ABCC12: variants seen among roughly 807,000 people sequenced by gnomAD.
ABCC12 encodes ATP-binding cassette sub-family C member 12.
A neutral mutation model predicts 151.1 loss-of-function variants in ABCC12; 142 were observed. The ratio of observed to expected loss-of-function variants is 0.94; its 90% CI spans 0.82 to 1.08. The LOEUF (loss-of-function observed/expected upper bound fraction) is 1.08, where lower values mean the gene tolerates loss of function less well. ABCC12 is among the 50% of genes least tolerant of loss of function. The pLI, the probability that ABCC12 is intolerant of heterozygous loss-of-function variation, is 0.00. For missense variants in ABCC12, 1,638 were observed against 1,691.1 expected, an observed-to-expected ratio of 0.97 and a Z score of 0.55; for synonymous variants, 645 against 646.4, an observed-to-expected ratio of 1.00 and a Z score of 0.03.
At chr16:48,126,189 G>A (rs1964231992) in intron 11 of ABCC12, among the ~76,000 whole-genome samples, 1 of 152,200 alleles carries the variant, frequency 6.6e-6, no homozygotes, top group Admixed American at 6.5e-5. Flanking sequence ...GGACTTCAAT[G>A]AACCGGGGCA....
intron 2 of ABCC12, among the ~76,000 whole-genome samples, chr16:48,147,971 G>A (rs372179069): frequency 5.9e-5 from 9 of 152,100 alleles, no homozygotes; most frequent in African/African-American, 1.7e-4. Flanking sequence ...TTGTGGAGAC[G>A]GAGTCTCACT....
intron 23 of ABCC12, among the ~76,000 whole-genome samples, chr16:48,099,891 T>A (rs546188738): frequency 6.6e-6 from 1 of 152,112 alleles, no homozygotes; most frequent in Admixed American, 6.6e-5. Context: ...AAAATAAAAA[T>A]TTATTGCATG....
rs1399547633 is a variant in ABCC12 at position 48,139,199 on chromosome 16, G to T, written c.795C>A (p.Ile265=). The part of the protein sequence containing the change: ...AFFILGPTAL[I]GISVYVIFIP... ...TGAATATGACATACACTGATATCCC[G>T]ATGAGAGCTGTGGGCCCCAGAATGA... The change falls in exon 7 of 31, where the codon ATC becomes ATA. Residue 265 remains isoleucine (I), a synonymous_variant. Coordinates refer to ENST00000311303, the MANE Select transcript of ABCC12 (RefSeq NM_001393797.1). The T allele has an allele frequency of 2.5e-6, 4 of 1,613,412 alleles. No homozygotes were observed. Among genetic ancestry groups the T allele is most frequent in the East Asian group, 2.2e-5 (1 of 44,870 alleles).
intron 18 of ABCC12, among the ~76,000 whole-genome samples, chr16:48,111,031 G>A (rs977280751): frequency 4.6e-5 from 7 of 152,202 alleles, no homozygotes; most frequent in Admixed American, 3.9e-4. Flanking sequence ...GGGAAGCTCC[G>A]TGTCTGCCTT....
rs1287624316 is a variant in ABCC12 at position 48,153,897 on chromosome 16, A to C, written c.-319-13T>G. On this transcript the variant is annotated splice_polypyrimidine_tract_variant and intron_variant, in intron 1 of 30. Coordinates refer to ENST00000311303, the MANE Select transcript of ABCC12 (RefSeq NM_001393797.1). Reference sequence around the variant, plus strand: ...AAATTTGGCAGCCCTGGGGGGAAAAATGAGACTTTTTTTAAAATCAGGAAG... The same window carrying C: ...AAATTTGGCAGCCCTGGGGGGAAAACTGAGACTTTTTTTAAAATCAGGAAG... 1 of 152,186 alleles carries C rather than the reference A, an allele frequency of 6.6e-6. No homozygotes were observed. The highest frequency in any genetic ancestry group is 1.5e-5 in the Non-Finnish European group (1 of 68,040). The allele number at this position is 152,186 out of a possible 1,614,324, so 9.4% of individuals were successfully genotyped here.
chr16:48,134,555 G>A (rs1278987402), intron 8 of ABCC12, among the ~76,000 whole-genome samples: 1 of 152,180 alleles, frequency 6.6e-6, no homozygotes, highest in Non-Finnish European at 1.5e-5. Context: ...CCTCAGAGAA[G>A]GGGGAGCCGA....
Position 48,128,798 on chromosome 16 carries a change from A to G in ABCC12, c.1237-61T>C, listed in dbSNP as rs117579252. The stretch of plus-strand genomic sequence containing the variant: ...TCATCCATTTGCAAGAATCATCCCA[A>G]TGTATCTTCTAATGACCCCAAATCA... On this transcript the variant is annotated intron_variant, in intron 10 of 30. Transcript: ENST00000311303. 7 of 1,558,440 alleles carry G rather than the reference A, an allele frequency of 4.5e-6. No homozygotes were observed. The East Asian group carries it at 1.1e-4, about 25-fold the overall frequency.
At chr16:48,117,715 G>T (rs1350063282) in intron 13 of ABCC12, among the ~76,000 whole-genome samples, 1 of 152,170 alleles carries the variant, frequency 6.6e-6, no homozygotes, top group Non-Finnish European at 1.5e-5. Flanking sequence ...TGGCCTCCTG[G>T]GGGTCACAGG....
intron 3 of ABCC12, 24 bp from the exon 4 acceptor site, chr16:48,144,089 C>T (rs367877143): frequency 4.8e-5 from 77 of 1,601,088 alleles, no homozygotes; most frequent in East Asian, 4.7e-4. Context: ...AGACACTCAG[C>T]GTTCCAGGCA....
chr16:48,117,581 G>A (rs948524547), intron 13 of ABCC12, among the ~76,000 whole-genome samples: 10 of 152,160 alleles, frequency 6.6e-5, no homozygotes, highest in South Asian at 4.1e-4. Context: ...CAGGGTTTTC[G>A]CCAAGCAGGG....
intron 2 of ABCC12, among the ~76,000 whole-genome samples, chr16:48,152,549 GA>G (rs1328209544): frequency 6.6e-6 from 1 of 152,180 alleles, no homozygotes; most frequent in African/African-American, 2.4e-5. Context: ...GTTAGCTGAT[GA>G]AGAAGAAAGA....
At chr16:48,095,617 G>A (rs1180577405) in intron 24 of ABCC12, among the ~76,000 whole-genome samples, 7 of 147,712 alleles carry the variant, frequency 4.7e-5, no homozygotes, top group African/African-American at 1.8e-4. Flanking sequence ...AAGATAAAAA[G>A]ACAAGAACAT....
chr16:48,147,466 G>A (rs1441074310), intron 2 of ABCC12, among the ~76,000 whole-genome samples: 1 of 152,124 alleles, frequency 6.6e-6, no homozygotes, highest in African/African-American at 2.4e-5. Flanking sequence ...AGTTCTTTCT[G>A]GAAGTTTTCA....
At chr16:48,114,724 GGGA>G (rs1490684348) in intron 15 of ABCC12, among the ~76,000 whole-genome samples, 1 of 152,188 alleles carries the variant, frequency 6.6e-6, no homozygotes, top group Admixed American at 6.5e-5. Flanking sequence ...AACCTGGCCT[GGGA>G]GGAGGAGGTT....
At chr16:48,136,550 C>T (rs981909523) in intron 8 of ABCC12, among the ~76,000 whole-genome samples, 1 of 152,176 alleles carries the variant, frequency 6.6e-6, no homozygotes, top group African/African-American at 2.4e-5. Flanking sequence ...AACAGGGTCT[C>T]GGCCCTCTTC....
At chr16:48,106,768 C>T (rs1322791667) in intron 20 of ABCC12, among the ~76,000 whole-genome samples, 2 of 152,194 alleles carry the variant, frequency 1.3e-5, no homozygotes, top group African/African-American at 4.8e-5. Flanking sequence ...GGAGAACTCC[C>T]AGCAAGCTCA....
At chr16:48,131,580 G>A (rs1424463485) in intron 9 of ABCC12, among the ~76,000 whole-genome samples, 4 of 152,174 alleles carry the variant, frequency 2.6e-5, no homozygotes, top group Non-Finnish European at 5.9e-5. Flanking sequence ...ATATTCTACA[G>A]CCTCAATGAA....
intron 15 of ABCC12, among the ~76,000 whole-genome samples, chr16:48,115,048 G>T (rs1323049450): frequency 6.6e-6 from 1 of 152,196 alleles, no homozygotes. Context: ...CCTCAGGCTT[G>T]CCCAGAATTG....
At chr16:48,147,347 A>T (rs1965036731) in intron 2 of ABCC12, among the ~76,000 whole-genome samples, 1 of 152,142 alleles carries the variant, frequency 6.6e-6, no homozygotes, top group African/African-American at 2.4e-5. Context: ...CCACTTCCCC[A>T]TACCCTATAG....
Sources: allele counts gnomAD v4.1 joint callset (sites outside exome capture counted in the v4.1 genomes callset), GRCh38; gene constraint gnomAD v4.1.1; transcripts MANE v1.5; gene names NCBI Gene and HGNC (gene_info 2026-07-23, HGNC 2026-07-21).